ANO2: variants seen among roughly 807,000 people sequenced by gnomAD.
The protein encoded by ANO2 is anoctamin 2, also known as anoctamin-2.
ANO2 carries 101 observed loss-of-function variants against 124.2 expected under a neutral mutation model. That is an observed-to-expected ratio of 0.81 (90% confidence interval 0.69 to 0.96). The LOEUF is 0.96. Ranked by LOEUF, ANO2 falls within the 40% of genes least tolerant of loss-of-function variation. ANO2 has a pLI of 0.00. For missense variants in ANO2, 1,293 were observed against 1,274.5 expected, an observed-to-expected ratio of 1.01 and a Z score of -0.22; for synonymous variants, 486 against 482.5, an observed-to-expected ratio of 1.01 and a Z score of -0.09.
intron 19 of ANO2, among the ~76,000 whole-genome samples, chr12:5,605,713 CAA>C (rs1591716908): frequency 6.6e-6 from 1 of 152,092 alleles, no homozygotes; most frequent in East Asian, 1.9e-4. Context: ...AGTCTGGATC[CAA>C]AGTCTATTTT....
At position 5,922,815 on chromosome 12, in the gene ANO2, GA is replaced by G; in HGVS notation, c.23-12del. The G allele has an allele frequency of 6.7e-7, 1 of 1,482,112 alleles. No homozygotes were observed. The highest frequency in any genetic ancestry group is 2.4e-5 in the Admixed American group (1 of 41,534). 91.8% of individuals were successfully genotyped at this position (1,482,112 alleles called of 1,614,324 possible). ...GGAGCAGGGGTATATCTGTGAGAGG[GA>G]AAGACAAGGGAGGCAAAACAGCCTC... On this transcript the variant is annotated splice_polypyrimidine_tract_variant and intron_variant, in intron 1 of 24. Transcript: ENST00000682330.
In ANO2 at chr12:5,563,449, C is replaced by T. The variant is rs754287741; in HGVS notation, c.2847G>A (p.Glu949=). 20 of 1,613,712 alleles carry T rather than the reference C, an allele frequency of 1.2e-5. No individual in the cohort carries two copies. The highest frequency in any genetic ancestry group is 1.7e-5 in the Non-Finnish European group (20 of 1,179,850). The change falls in exon 25 of 25, where the codon GAG becomes GAA. Residue 949 remains glutamate (E), a synonymous_variant. Coordinates refer to ENST00000682330, the MANE Select transcript of ANO2 (RefSeq NM_001364791.2). ...SLLVDFFLKE[E]HEKLKLMDEP... ...CATCCATCAGCTTGAGCTTCTCATG[C>T]TCCTCTTTCAGGAAGAAATCCACTA...
chr12:5,805,620 T>C (rs1034278006), intron 9 of ANO2, among the ~76,000 whole-genome samples: 5 of 152,232 alleles, frequency 3.3e-5, no homozygotes, highest in African/African-American at 1.2e-4. Flanking sequence ...TCACATGTTT[T>C]AAGCAAGAGC....
intron 3 of ANO2, among the ~76,000 whole-genome samples, chr12:5,895,937 G>A (rs1164319774): frequency 6.6e-6 from 1 of 152,080 alleles, no homozygotes; most frequent in Non-Finnish European, 1.5e-5. Context: ...ATATACCATG[G>A]GATACTACTC....
At chr12:5,729,758 C>T (rs932557424) in intron 14 of ANO2, among the ~76,000 whole-genome samples, 10 of 149,698 alleles carry the variant, frequency 6.7e-5, no homozygotes, top group African/African-American at 2.4e-4. Context: ...TAGAGACCAC[C>T]CAAATGACCA....
chr12:5,740,960 C>T (rs1951074909), intron 12 of ANO2: 1 of 152,628 alleles, frequency 6.6e-6, no homozygotes, highest in African/African-American at 2.4e-5. Flanking sequence ...TACCCTCATC[C>T]TATCCTGACC....
intron 14 of ANO2, among the ~76,000 whole-genome samples, chr12:5,674,631 C>T (rs968230602): frequency 2.0e-5 from 3 of 152,218 alleles, no homozygotes; most frequent in African/African-American, 7.2e-5. Flanking sequence ...TGCTGGGTCA[C>T]AGAGCTCCTC....
At chr12:5,652,520 C>T (rs373806505) in intron 14 of ANO2, among the ~76,000 whole-genome samples, 2 of 151,866 alleles carry the variant, frequency 1.3e-5, no homozygotes, top group South Asian at 2.1e-4. Context: ...GTTCCAAGGT[C>T]CCCTCCAAGA....
chr12:5,825,514 G>C (rs1055135632), intron 7 of ANO2, among the ~76,000 whole-genome samples: 19 of 152,118 alleles, frequency 1.2e-4, no homozygotes, highest in Non-Finnish European at 1.5e-5. Flanking sequence ...TGCTGGCCTA[G>C]AGATCTTAGT....
At chr12:5,837,338 TTAA>T (rs1333172320) in intron 4 of ANO2, among the ~76,000 whole-genome samples, 7 of 110,882 alleles carry the variant, frequency 6.3e-5, no homozygotes, top group African/African-American at 1.5e-4. Context: ...TTTTTTTTTT[TTAA>T]ATTATACTTT....
intron 14 of ANO2, among the ~76,000 whole-genome samples, chr12:5,689,121 C>T (rs763224046): frequency 6.6e-6 from 1 of 151,994 alleles, no homozygotes; most frequent in Non-Finnish European, 1.5e-5. Context: ...TGTGAGGTTA[C>T]TAAAGAAGCC....
chr12:5,911,891 T>G (rs1270584208), intron 3 of ANO2, among the ~76,000 whole-genome samples: 1 of 152,204 alleles, frequency 6.6e-6, no homozygotes, highest in Non-Finnish European at 1.5e-5. Flanking sequence ...TATGATCCCA[T>G]CTTCTCACAC....
intron 14 of ANO2, among the ~76,000 whole-genome samples, chr12:5,679,432 A>T (rs1948397538): frequency 6.6e-6 from 1 of 152,234 alleles, no homozygotes; most frequent in African/African-American, 2.4e-5. Flanking sequence ...AACTTAAGCA[A>T]ATTTACAAGA....
chr12:5,662,317 A>G (rs972770214), intron 14 of ANO2, among the ~76,000 whole-genome samples: 10 of 152,240 alleles, frequency 6.6e-5, no homozygotes, highest in Admixed American at 5.9e-4. Context: ...AGTACCTTAG[A>G]TCCTACAACT....
At chr12:5,628,398 C>T (rs1321061211) in intron 16 of ANO2, among the ~76,000 whole-genome samples, 1 of 152,146 alleles carries the variant, frequency 6.6e-6, no homozygotes, top group African/African-American at 2.4e-5. Context: ...TGTTGCTCTC[C>T]CAATAAATTT....
chr12:5,771,964 CA>C (rs1952095510), intron 10 of ANO2, among the ~76,000 whole-genome samples: 2 of 152,152 alleles, frequency 1.3e-5, no homozygotes, highest in African/African-American at 2.4e-5. Context: ...AAGTACATGT[CA>C]AACAGTGATT....
At chr12:5,695,745 G>T (rs1949144001) in intron 14 of ANO2, among the ~76,000 whole-genome samples, 1 of 152,218 alleles carries the variant, frequency 6.6e-6, no homozygotes, top group South Asian at 2.1e-4. Context: ...GGAGGCTGAG[G>T]TAGGAGCATC....
chr12:5,773,229 C>T (rs932642235), intron 10 of ANO2, among the ~76,000 whole-genome samples: 1 of 152,232 alleles, frequency 6.6e-6, no homozygotes, highest in African/African-American at 2.4e-5. Context: ...CCCATTGTTG[C>T]TTCCCCATTT....
Position 5,945,230 on chromosome 12 carries a change from G to C in ANO2, c.-13C>G, listed in dbSNP as rs1251159570. On this transcript the variant is annotated 5_prime_UTR_variant, in exon 1 of 25. Transcript: ENST00000682330. ...CGGGAGTCGCCATGATGTGGACGCA[G>C]ACCCCGCCGGCCCGCGGCCGCGCGC... 2 of 1,286,072 alleles carry C rather than the reference G, an allele frequency of 1.6e-6. No individual in the cohort carries two copies. The highest frequency in any genetic ancestry group is 2.5e-5 in the South Asian group (2 of 80,464). The allele number at this position is 1,286,072 out of a possible 1,614,324, so 79.7% of individuals were successfully genotyped here. A position where few individuals can be genotyped will look rare whatever the true frequency, so the allele number is the denominator to read the frequency against.
Sources: allele counts gnomAD v4.1 joint callset (sites outside exome capture counted in the v4.1 genomes callset), GRCh38; gene constraint gnomAD v4.1.1; transcripts MANE v1.5; gene names NCBI Gene and HGNC (gene_info 2026-07-23, HGNC 2026-07-21).